The following SUCLG2 variants were observed in gnomAD, a reference collection of about 807,000 sequenced individuals.
SUCLG2 encodes succinate-CoA ligase GDP-forming subunit beta.
In SUCLG2, 42 loss-of-function variants were observed where a neutral mutation model predicts 47.9. That is an observed-to-expected ratio of 0.88 (90% confidence interval 0.69 to 1.14). SUCLG2 has a LOEUF of 1.14. SUCLG2 is among the 50% of genes most tolerant of loss of function. The pLI, the probability that SUCLG2 is intolerant of heterozygous loss-of-function variation, is 0.00. For missense variants in SUCLG2, 571 were observed against 525.9 expected (o/e 1.09, Z -0.84); for synonymous variants, 195 against 197.3 (o/e 0.99, Z 0.10).
intron 10 of SUCLG2, among the ~76,000 whole-genome samples, chr3:67,389,245 T>C (rs17046400): frequency 0.045 from 6,851 of 152,056 alleles, 502 homozygotes; most frequent in African/African-American, 0.16. Context: ...AATGATGGCA[T>C]AGTTGATGGA....
intron 2 of SUCLG2, among the ~76,000 whole-genome samples, chr3:67,591,918 C>T (rs1039472046): frequency 5.9e-4 from 90 of 152,254 alleles, no homozygotes; most frequent in African/African-American, 2.1e-3. Flanking sequence ...CTCAAGTCTA[C>T]AAATCAAATA....
chr3:67,526,078 C>A (rs1559558250), intron 4 of SUCLG2, among the ~76,000 whole-genome samples: 1 of 152,154 alleles, frequency 6.6e-6, no homozygotes, highest in Non-Finnish European at 1.5e-5. Flanking sequence ...AAGATCAGTG[C>A]ACCGCCATTT....
At chr3:67,636,353 C>CTTT (rs373165988) in intron 1 of SUCLG2, among the ~76,000 whole-genome samples, 1 of 138,004 alleles carries the variant, frequency 7.2e-6, no homozygotes, top group Non-Finnish European at 1.6e-5. Context: ...AGGCAGAATC[C>CTTT]TTTTTTTTTT....
At chr3:67,373,391 G>C (rs545424669), downstream of SUCLG2, among the ~76,000 whole-genome samples, 314 of 152,030 alleles carry the variant, frequency 2.1e-3, 2 homozygotes, top group African/African-American at 7.3e-3. Flanking sequence ...TTTCATAAAA[G>C]GATTAATAAC....
At chr3:67,392,395 C>T (rs1664543588) in intron 10 of SUCLG2, among the ~76,000 whole-genome samples, 1 of 152,210 alleles carries the variant, frequency 6.6e-6, no homozygotes, top group African/African-American at 2.4e-5. Context: ...CTAAAAAACA[C>T]TTCTTAATGC....
chr3:67,563,260 T>C (rs1018554013), intron 2 of SUCLG2, among the ~76,000 whole-genome samples: 15 of 152,126 alleles, frequency 9.9e-5, no homozygotes, highest in Non-Finnish European at 1.9e-4. Context: ...GGATTCTAAC[T>C]GCTGTGAACA....
At chr3:67,486,532 T>C (rs1035615927) in intron 9 of SUCLG2, among the ~76,000 whole-genome samples, 14 of 152,220 alleles carry the variant, frequency 9.2e-5, no homozygotes, top group African/African-American at 3.4e-4. Context: ...GATCAATTCC[T>C]AACTTTGTTT....
chr3:67,452,680 T>C (rs1188591543), intron 9 of SUCLG2, among the ~76,000 whole-genome samples: 2 of 152,164 alleles, frequency 1.3e-5, no homozygotes, highest in Non-Finnish European at 2.9e-5. Flanking sequence ...TCTCAAATAT[T>C]TATTGAGCAT....
chr3:67,406,611 G>A (rs1360796103), intron 9 of SUCLG2, among the ~76,000 whole-genome samples: 1 of 152,170 alleles, frequency 6.6e-6, no homozygotes, highest in Non-Finnish European at 1.5e-5. Flanking sequence ...AGAAAAGAGT[G>A]TGGTGCATTT....
chr3:67,425,313 T>C (rs912862216), intron 9 of SUCLG2, among the ~76,000 whole-genome samples: 1 of 152,160 alleles, frequency 6.6e-6, no homozygotes. Context: ...GAATTAATAT[T>C]GGGATGCTTG....
At chr3:67,387,727 T>C (rs1349412524) in intron 10 of SUCLG2, among the ~76,000 whole-genome samples, 4 of 152,342 alleles carry the variant, frequency 2.6e-5, no homozygotes, top group Non-Finnish European at 5.9e-5. Flanking sequence ...TATTCTCTGC[T>C]GATTGCATCA....
At chr3:67,590,291 T>C (rs562240990) in intron 2 of SUCLG2, among the ~76,000 whole-genome samples, 16 of 152,246 alleles carry the variant, frequency 1.1e-4, no homozygotes, top group Non-Finnish European at 1.9e-4. Flanking sequence ...GTGAGAATGA[T>C]GATAATTTCC....
intron 9 of SUCLG2, among the ~76,000 whole-genome samples, chr3:67,452,909 C>A (rs12635531): frequency 0.59 from 89,666 of 152,080 alleles, 27,334 homozygotes; most frequent in Admixed American, 0.69. Flanking sequence ...ATTGCACTGC[C>A]TTTTGAAACT....
intron 10 of SUCLG2, among the ~76,000 whole-genome samples, chr3:67,395,405 A>G (rs960713438): frequency 1.3e-5 from 2 of 152,234 alleles, no homozygotes; most frequent in Non-Finnish European, 2.9e-5. Context: ...TTAAACCAAC[A>G]AAGACCAAAA....
At chr3:67,443,047 T>G (rs534671075) in intron 9 of SUCLG2, among the ~76,000 whole-genome samples, 1 of 152,206 alleles carries the variant, frequency 6.6e-6, no homozygotes, top group Non-Finnish European at 1.5e-5. Flanking sequence ...ACAGACTTTC[T>G]TTGGTCATAC....
chr3:67,458,613 T>C (rs4527392), intron 9 of SUCLG2, among the ~76,000 whole-genome samples: 96,866 of 151,946 alleles, frequency 0.64, 31,310 homozygotes, highest in Admixed American at 0.71. Flanking sequence ...CGGTGCTTAT[T>C]GTTTATACAG....
chr3:67,562,731 T>C (rs992580373), intron 2 of SUCLG2, among the ~76,000 whole-genome samples: 8 of 152,226 alleles, frequency 5.3e-5, no homozygotes, highest in African/African-American at 1.9e-4. Context: ...GGTCACCTCA[T>C]AATGACACTG....
chr3:67,499,138 T>C (rs546612642), intron 7 of SUCLG2, among the ~76,000 whole-genome samples: 2 of 152,340 alleles, frequency 1.3e-5, no homozygotes, highest in Admixed American at 1.3e-4. Flanking sequence ...GTGAAATAAT[T>C]AAACACAGTG....
At chr3:67,437,127 G>T (rs944305599) in intron 9 of SUCLG2, among the ~76,000 whole-genome samples, 5 of 151,868 alleles carry the variant, frequency 3.3e-5, no homozygotes, top group Middle Eastern at 3.4e-3. Flanking sequence ...GCCAGGTGTG[G>T]TTAAAAAAAA....
Sources: gnomAD v4.1 joint callset for allele counts (sites outside exome capture counted in the v4.1 genomes callset) on GRCh38, gnomAD v4.1.1 for gene constraint, MANE v1.5 for transcripts, NCBI Gene and HGNC (gene_info 2026-07-23, HGNC 2026-07-21) for gene names.